MBTPS2: variants seen among roughly 807,000 people sequenced by gnomAD.
MBTPS2 encodes membrane bound transcription factor peptidase, site 2.
Under a neutral mutation model 35.4 loss-of-function variants are expected in MBTPS2, and 2 were observed. The ratio of observed to expected loss-of-function variants is 0.06; its 90% CI spans 0.02 to 0.18. The LOEUF (loss-of-function observed/expected upper bound fraction) is 0.18, where lower values mean the gene tolerates loss of function less well. Ranked by LOEUF, MBTPS2 falls within the 10% of genes least tolerant of loss-of-function variation. The pLI is 1.00. For synonymous variants in MBTPS2, 125 were observed against 140.4 expected (o/e 0.89, Z 0.77); for missense variants, 244 against 386.5 (o/e 0.63, Z 3.09).
At chrX:21,847,048 G>C (rs2092909417) in intron 3 of MBTPS2, among the ~76,000 whole-genome samples, 1 of 111,859 alleles carries the variant, frequency 8.9e-6, no homozygotes, top group Non-Finnish European at 1.9e-5. Flanking sequence ...TGAGGCTGGA[G>C]GGAGAAGGAA....
At chrX:21,872,577 GT>G (rs1311286052) in intron 7 of MBTPS2, 1 of 102,603 alleles carries the variant, frequency 9.7e-6, no homozygotes, top group African/African-American at 3.6e-5. Flanking sequence ...CAGTATACAT[GT>G]TTATTTTACA....
chrX:21,875,622 G>A (rs1026719826), intron 7 of MBTPS2, among the ~76,000 whole-genome samples: 10 of 112,426 alleles, frequency 8.9e-5, no homozygotes, highest in Non-Finnish European at 1.5e-4. Context: ...AAGGCAAATC[G>A]GGTATAACAT....
chrX:21,844,222 G>A (rs990708354), intron 2 of MBTPS2, among the ~76,000 whole-genome samples: 3 of 110,901 alleles, frequency 2.7e-5, no homozygotes, highest in African/African-American at 9.8e-5. Flanking sequence ...AATTAAAAAT[G>A]AGAATTGAGG....
chrX:21,878,173 T>C, intron 8 of MBTPS2, 37 bp downstream of exon 8: 1 of 985,972 alleles, frequency 1.0e-6, no homozygotes, highest in East Asian at 3.1e-5. Context: ...TTGTCTGATA[T>C]AATTACTAAA....
At chrX:21,846,890 A>G in intron 3 of MBTPS2, among the ~76,000 whole-genome samples, 1 of 111,899 alleles carries the variant, frequency 8.9e-6, no homozygotes, top group Non-Finnish European at 1.9e-5. Context: ...GACCAAAGTC[A>G]TTAGAGTGAA....
Position 21,860,293 on chromosome X carries a change from A to C in MBTPS2, c.670+6790A>C, listed in dbSNP as rs960565549. On this transcript the variant is annotated intron_variant, in intron 5 of 10. Coordinates refer to ENST00000379484, the MANE Select transcript of MBTPS2 (RefSeq NM_015884.4). The stretch of plus-strand genomic sequence containing the variant: ...TGGGGTTGCTGGCATAGCACCTGTA[A>C]TTCCAGCTACTTGGGAGGCTGAGGC... Among the ~76,000 whole-genome samples the C allele has an allele frequency of 1.5e-4, 16 of 110,131 alleles. 1 individual carries two copies. The highest frequency in any genetic ancestry group is 7.6e-5 in the Non-Finnish European group (4 of 52,734).
intron 8 of MBTPS2, 98 bp downstream of exon 8, chrX:21,878,234 C>T (rs2092955210): frequency 1.2e-5 from 7 of 591,893 alleles, no homozygotes; most frequent in Non-Finnish European, 2.0e-5. Flanking sequence ...CTCTCTTTTG[C>T]TCTATTTGTA....
rs147096861 is a variant in MBTPS2 at position 21,875,607 on chromosome X, A to C, written c.971-2435A>C. 6.0e-3 allele frequency among the ~76,000 whole-genome samples: 679 copies of C among 112,661 alleles called. 5 individuals are homozygous for C. Among genetic ancestry groups the C allele is most frequent in the African/African-American group, 0.021 (642 of 31,021 alleles). ...TGTAAACATTTTAAGATCATTACTG[A>C]TGCAAAGGCAAATCGGGTATAACAT... On this transcript the variant is annotated intron_variant, in intron 7 of 10. Transcript: ENST00000379484.
chrX:21,867,828 ACAGGGTTTCAC>A (rs2092942233), intron 5 of MBTPS2, among the ~76,000 whole-genome samples: 2 of 110,356 alleles, frequency 1.8e-5, no homozygotes, highest in African/African-American at 6.6e-5. Context: ...TTTAGTAGAG[ACAGGGTTTCAC>A]CATGTTGGCC....
At chrX:21,865,386 C>A (rs1406598352) in intron 5 of MBTPS2, among the ~76,000 whole-genome samples, 2 of 111,530 alleles carry the variant, frequency 1.8e-5, no homozygotes, top group Non-Finnish European at 3.8e-5. Context: ...TACCTGCTAT[C>A]TGGTTCCAAG....
rs180884679 is a variant in MBTPS2 at position 21,851,380 on chromosome X, A to G, written c.439-129A>G. 3.3e-3 allele frequency: 1,757 copies of G among 536,899 alleles called. 1 individual carries two copies. Among genetic ancestry groups the G allele is most frequent in the Non-Finnish European group, 4.4e-3 (1,295 of 294,646 alleles). 44.2% of individuals were successfully genotyped at this position (536,899 alleles called of 1,213,427 possible). On this transcript the variant is annotated intron_variant, in intron 3 of 10. Coordinates refer to ENST00000379484, the MANE Select transcript of MBTPS2 (RefSeq NM_015884.4). Reference sequence around the variant, plus strand: ...AAATGGAGAAGTGAACCATTGTCATATTACTTTTAGTTTGCAGAACATTCA... The same window carrying G: ...AAATGGAGAAGTGAACCATTGTCATGTTACTTTTAGTTTGCAGAACATTCA...
intron 5 of MBTPS2, among the ~76,000 whole-genome samples, chrX:21,867,406 C>G (rs931998413): frequency 1.8e-5 from 2 of 110,839 alleles, no homozygotes; most frequent in Admixed American, 9.7e-5. Flanking sequence ...ATGTAAAAAT[C>G]ACACACATAC....
intron 1 of MBTPS2, among the ~76,000 whole-genome samples, chrX:21,842,432 G>GT (rs1239665715): frequency 7.8e-4 from 80 of 103,027 alleles, no homozygotes; most frequent in South Asian, 8.3e-4. Flanking sequence ...GATTGGTAGG[G>GT]TTTTTTTTTT....
At chrX:21,849,960 G>A (rs1278238058) in intron 3 of MBTPS2, among the ~76,000 whole-genome samples, 1 of 104,671 alleles carries the variant, frequency 9.6e-6, no homozygotes, top group South Asian at 4.5e-4. Flanking sequence ...CCAGGAGGCG[G>A]AGCTTGCAGT....
intron 5 of MBTPS2, among the ~76,000 whole-genome samples, chrX:21,863,513 A>G (rs1296739239): frequency 9.1e-6 from 1 of 110,376 alleles, no homozygotes; most frequent in East Asian, 2.8e-4. Flanking sequence ...ACTTTTTATT[A>G]CTTCTATATT....
At chrX:21,862,841 CAT>C (rs370149032) in intron 5 of MBTPS2, among the ~76,000 whole-genome samples, 15 of 85,427 alleles carry the variant, frequency 1.8e-4, no homozygotes, top group African/African-American at 5.0e-4. Context: ...ATATAAAAAA[CAT>C]ATATATATAT....
At chrX:21,866,465 A>T (rs1336249947) in intron 5 of MBTPS2, among the ~76,000 whole-genome samples, 1 of 111,924 alleles carries the variant, frequency 8.9e-6, no homozygotes, top group Non-Finnish European at 1.9e-5. Context: ...TACAAAGTAA[A>T]TATACAAAAA....
chrX:21,880,404 TG>T (rs1429582611), intron 9 of MBTPS2, among the ~76,000 whole-genome samples: 2 of 111,070 alleles, frequency 1.8e-5, no homozygotes, highest in African/African-American at 3.3e-5. Context: ...ATGTCCCTAG[TG>T]GGGGTAATTC....
At position 21,884,245 on chromosome X, in the gene MBTPS2, A is replaced by G; in HGVS notation, c.*1590A>G. On this transcript the variant is annotated 3_prime_UTR_variant, in exon 11 of 11. Coordinates refer to ENST00000379484, the MANE Select transcript of MBTPS2 (RefSeq NM_015884.4). ...ATACGAATTATTGGTTTATTCCAGA[A>G]AATACAGTATTTGTTCTATTTTTAG... 1.4e-6 allele frequency: 1 copy of G among 734,628 alleles called. No homozygotes were observed. The highest frequency in any genetic ancestry group is 1.6e-6 in the Non-Finnish European group (1 of 621,023). The allele number at this position is 734,628 out of a possible 1,213,427, so 60.5% of individuals were successfully genotyped here. A position where few individuals can be genotyped will look rare whatever the true frequency, so the allele number is the denominator to read the frequency against.
Sources: gnomAD v4.1 joint callset for allele counts (sites outside exome capture counted in the v4.1 genomes callset) on GRCh38, gnomAD v4.1.1 for gene constraint, MANE v1.5 for transcripts, NCBI Gene and HGNC (gene_info 2026-07-23, HGNC 2026-07-21) for gene names.